The following COBLL1 variants were observed in gnomAD, a reference collection of about 807,000 sequenced individuals.
COBLL1 encodes the protein cordon-bleu protein-like 1.
A neutral mutation model predicts 94.8 loss-of-function variants in COBLL1; 50 were observed. The observed-to-expected ratio is 0.53, with a 90% CI of 0.42 to 0.67. The LOEUF is 0.67. Ranked by LOEUF, COBLL1 falls within the 30% of genes least tolerant of loss-of-function variation. The probability of loss-of-function intolerance (pLI) is 0.00; values close to 1 mark genes in which losing one functional copy is unlikely to be tolerated. For missense variants in COBLL1, 1,362 were observed against 1,348.7 expected (o/e 1.01, Z -0.15); for synonymous variants, 448 against 473.8 (o/e 0.95, Z 0.71).
rs1682993628 is a variant in COBLL1, at chr2:164,680,624, G to A, written c.*5322C>T. 1 of 152,042 alleles carries A rather than the reference G, an allele frequency of 6.6e-6. No individual in the cohort carries two copies. The highest frequency in any genetic ancestry group is 1.5e-5 in the Non-Finnish European group (1 of 68,016). 9.4% of individuals were successfully genotyped at this position (152,042 alleles called of 1,614,324 possible). On this transcript the variant is annotated 3_prime_UTR_variant, in exon 14 of 14. Transcript: ENST00000652658. ...TTCTTCCTTCTTTGTACACTTTCAG[G>A]TTTTCAATGAAATAGCACAGTTGCC...
chr2:164,801,438 C>CAAAAAAA lies in COBLL1; in HGVS notation c.41+39711_41+39717dup, dbSNP rs143505097. On this transcript the variant is annotated intron_variant, in intron 2 of 13. Transcript: ENST00000652658. ...TGGGCGACAGAGCGAGACTCCGTCT[C>CAAAAAAA]AAAAAAAAAAAAAAAAAAAAAAAAA... 5.0e-4 allele frequency among the ~76,000 whole-genome samples: 14 copies of CAAAAAAA among 28,210 alleles called. 2 individuals are homozygous for CAAAAAAA. The highest frequency in any genetic ancestry group is 1.3e-3 in the African/African-American group (10 of 8,000). The allele number at this position is 28,210 out of a possible 152,430, so 18.5% of individuals were successfully genotyped here.
Position 164,774,864 on chromosome 2 carries a change from TC to T in COBLL1, c.42-30990del, listed in dbSNP as rs1348482077. Among the ~76,000 whole-genome samples the T allele has an allele frequency of 5.4e-4, 62 of 114,196 alleles. 1 individual carries two copies. The highest frequency in any genetic ancestry group is 2.2e-4 in the Non-Finnish European group (12 of 53,746). The allele number at this position is 114,196 out of a possible 152,430, so 74.9% of individuals were successfully genotyped here. On this transcript the variant is annotated intron_variant, in intron 2 of 13. Transcript: ENST00000652658. ...TTTTCAGGTGCCTGTATCACTTTTT[TC>T]AAAAAAAAAAAAAAAAGTAACCATG... is the stretch of plus-strand genomic sequence containing the variant.
chr2:164,665,965 T>C (rs1250705877), intron 1 of COBLL1: 2 of 152,190 alleles, frequency 1.3e-5, no homozygotes, highest in African/African-American at 4.8e-5. Context: ...TTAACAATAG[T>C]ATATTATATA....
At chr2:164,779,697 TC>T in intron 2 of COBLL1, 1 of 470,804 alleles carries the variant, frequency 2.1e-6, no homozygotes, top group Non-Finnish European at 4.4e-6. Context: ...GACCAAAAAG[TC>T]CCCTTTTAGC....
intron 7 of COBLL1, among the ~76,000 whole-genome samples, chr2:164,721,257 T>C (rs769472040): frequency 4.6e-5 from 7 of 152,182 alleles, no homozygotes; most frequent in Non-Finnish European, 1.0e-4. Context: ...TATCTCCAAA[T>C]AAAATCTGCT....
chr2:164,728,004 C>T lies in COBLL1; in HGVS notation c.626G>A (p.Gly209Glu). The T allele has an allele frequency of 6.2e-7, 1 of 1,612,410 alleles. No homozygotes were observed. Among genetic ancestry groups the T allele is most frequent in the Non-Finnish European group, 8.5e-7 (1 of 1,178,562 alleles). ...ATCCATCGCATATAATTCTCTTAGT[C>T]CCAGGTCATTAAGAGATTTTGTCAA... Reference protein sequence around the residue: ...LDLTKSLNDLGLRELYAMDVN... With the variant: ...LDLTKSLNDLELRELYAMDVN... The change falls in exon 5 of 14, where the codon GGA becomes GAA. Residue 209 changes from glycine to glutamate, a missense_variant. Coordinates refer to ENST00000652658, the MANE Select transcript of COBLL1 (RefSeq NM_001365672.2).
At chr2:164,687,013 T>C (rs1683328948) in intron 13 of COBLL1, among the ~76,000 whole-genome samples, 1 of 152,208 alleles carries the variant, frequency 6.6e-6, no homozygotes, top group South Asian at 2.1e-4. Flanking sequence ...TAAATAAAGA[T>C]TGGTCATCTA....
intron 2 of COBLL1, among the ~76,000 whole-genome samples, chr2:164,799,697 A>C (rs780070361): frequency 1.3e-5 from 2 of 152,242 alleles, no homozygotes; most frequent in Non-Finnish European, 2.9e-5. Context: ...ATTTCAAGAC[A>C]TTATAAAGAA....
At chr2:164,771,939 C>T (rs751901399) in intron 2 of COBLL1, 2 of 151,740 alleles carry the variant, frequency 1.3e-5, no homozygotes, top group Non-Finnish European at 2.9e-5. Flanking sequence ...AATTCTATTA[C>T]TCACCTTAGC....
intron 2 of COBLL1, among the ~76,000 whole-genome samples, chr2:164,797,969 A>G (rs1683557229): frequency 6.6e-6 from 1 of 152,232 alleles, no homozygotes; most frequent in Non-Finnish European, 1.5e-5. Flanking sequence ...TAAAACTTAC[A>G]TTGAAAAGAT....
rs1683674115 is a variant in COBLL1, at chr2:164,692,544, G to A, written c.3124-147C>T. 3 of 608,270 alleles carry A rather than the reference G, an allele frequency of 4.9e-6. No individual in the cohort carries two copies. In the East Asian group the frequency reaches 9.0e-5, roughly 18 times the overall value. 37.7% of individuals were successfully genotyped at this position (608,270 alleles called of 1,614,324 possible). On this transcript the variant is annotated intron_variant, in intron 12 of 13. Coordinates refer to ENST00000652658, the MANE Select transcript of COBLL1 (RefSeq NM_001365672.2). ...ACACAGCTCTGTTTCCTCACCCACTGAATTATCTCTGCTGCCAGAGCTAAG... is the reference window on the plus strand; with the variant it reads ...ACACAGCTCTGTTTCCTCACCCACTAAATTATCTCTGCTGCCAGAGCTAAG...
At chr2:164,796,961 C>T (rs562375522) in intron 2 of COBLL1, among the ~76,000 whole-genome samples, 37 of 152,036 alleles carry the variant, frequency 2.4e-4, no homozygotes, top group African/African-American at 6.0e-4. Context: ...GACAACAGAA[C>T]GAGACCCTAC....
chr2:164,758,769 C>A (rs894142741), intron 2 of COBLL1, among the ~76,000 whole-genome samples: 1 of 151,558 alleles, frequency 6.6e-6, no homozygotes, highest in African/African-American at 2.4e-5. Flanking sequence ...GGCCTTATTA[C>A]AAATATATAT....
intron 2 of COBLL1, among the ~76,000 whole-genome samples, chr2:164,808,670 C>T (rs557361073): frequency 1.3e-5 from 2 of 152,082 alleles, no homozygotes; most frequent in East Asian, 3.8e-4. Context: ...TTTTAAAGTT[C>T]AGTTTTCCAA....
At chr2:164,691,280 A>G (rs956761769) in intron 13 of COBLL1, among the ~76,000 whole-genome samples, 2 of 152,168 alleles carry the variant, frequency 1.3e-5, no homozygotes, top group Non-Finnish European at 2.9e-5. Flanking sequence ...TTCTTTTCCT[A>G]TCTTTGTAGC....
At chr2:164,764,201 C>T (rs751080408) in intron 2 of COBLL1, among the ~76,000 whole-genome samples, 9 of 152,136 alleles carry the variant, frequency 5.9e-5, no homozygotes, top group Non-Finnish European at 1.0e-4. Context: ...ACCCAGCTAG[C>T]TTTTCTTTTT....
chr2:164,658,071 T>A (rs549944218), intron 2 of COBLL1, among the ~76,000 whole-genome samples: 1 of 152,292 alleles, frequency 6.6e-6, no homozygotes, highest in East Asian at 1.9e-4. Context: ...TGATTGGCTA[T>A]TTCTTTACCT....
rs146864813 is a variant in COBLL1, at chr2:164,671,090, C to T, written n.127-5189G>A. 6.6e-5 allele frequency among the ~76,000 whole-genome samples: 10 copies of T among 152,248 alleles called. No homozygotes were observed. The East Asian group carries it at 1.9e-3, about 29-fold the overall frequency. On this transcript the variant is annotated intron_variant and non_coding_transcript_variant, in intron 1 of 2. Coordinates refer to the COBLL1 transcript ENST00000495084. ...TAAAACAGCAGACAAGGGATTAGAACTCTGGTTTGCAAACCTCTTACTCCT... is the reference window on the plus strand; with the variant it reads ...TAAAACAGCAGACAAGGGATTAGAATTCTGGTTTGCAAACCTCTTACTCCT...
At chr2:164,718,309 C>A (rs972927821) in intron 7 of COBLL1, 4 of 914,926 alleles carry the variant, frequency 4.4e-6, no homozygotes, top group Non-Finnish European at 5.2e-6. Flanking sequence ...TAATACAACC[C>A]TAAAGTTTAT....
Sources: allele counts gnomAD v4.1 joint callset (sites outside exome capture counted in the v4.1 genomes callset), GRCh38; gene constraint gnomAD v4.1.1; transcripts MANE v1.5; gene names NCBI Gene and HGNC (gene_info 2026-07-23, HGNC 2026-07-21).